The following PTPRD variants were observed in gnomAD, a reference collection of about 807,000 sequenced individuals.
PTPRD encodes the protein protein tyrosine phosphatase receptor type D, also known as receptor-type tyrosine-protein phosphatase delta.
In PTPRD, 34 loss-of-function variants were observed where a neutral mutation model predicts 214.5. That is an observed-to-expected ratio of 0.16 (90% CI 0.12 to 0.21). The LOEUF is 0.21. PTPRD is among the 10% of genes least tolerant of loss of function. The probability of loss-of-function intolerance (pLI) is 1.00; values close to 1 mark genes in which losing one functional copy is unlikely to be tolerated. For missense variants in PTPRD, 2,545 were observed against 2,398.7 expected (o/e 1.06, Z -1.27); for synonymous variants, 1,128 against 845.7 (o/e 1.33, Z -5.79).
intron 8 of PTPRD, among the ~76,000 whole-genome samples, chr9:9,462,393 A>T (rs1213610635): frequency 6.6e-6 from 1 of 152,146 alleles, no homozygotes; most frequent in Non-Finnish European, 1.5e-5. Context: ...ATGTATTTGT[A>T]ACTAAAAGAT....
intron 10 of PTPRD, among the ~76,000 whole-genome samples, chr9:9,075,786 A>T (rs1265269081): frequency 6.6e-6 from 1 of 152,188 alleles, no homozygotes; most frequent in East Asian, 1.9e-4. Context: ...TATATGTGCC[A>T]CATTTTCTTA....
intron 11 of PTPRD, among the ~76,000 whole-genome samples, chr9:8,863,073 A>T (rs895688594): frequency 2.9e-5 from 4 of 140,062 alleles, no homozygotes; most frequent in South Asian, 2.5e-4. Flanking sequence ...TAATAATAAT[A>T]AAAAAAAGAA....
chr9:8,596,526 G>A (rs149362351), intron 14 of PTPRD, among the ~76,000 whole-genome samples: 6 of 152,090 alleles, frequency 3.9e-5, no homozygotes, highest in South Asian at 2.1e-4. Flanking sequence ...GGCCTGCAGA[G>A]GAGCAGAAAC....
chr9:10,015,953 T>C (rs1051073129), intron 4 of PTPRD, among the ~76,000 whole-genome samples: 14 of 152,152 alleles, frequency 9.2e-5, no homozygotes, highest in African/African-American at 2.7e-4. Flanking sequence ...TAATTACCAG[T>C]TGACTGACAC....
intron 2 of PTPRD, among the ~76,000 whole-genome samples, chr9:10,409,855 G>A (rs773857972): frequency 6.6e-6 from 1 of 151,634 alleles, no homozygotes; most frequent in Non-Finnish European, 1.5e-5. Context: ...CCAGCCATGT[G>A]AGTGAGCCAT....
intron 2 of PTPRD, among the ~76,000 whole-genome samples, chr9:10,421,005 T>C (rs190480079): frequency 5.9e-5 from 9 of 151,938 alleles, no homozygotes; most frequent in Admixed American, 2.6e-4. Context: ...CTGGGCCACA[T>C]TGGAAGACAA....
intron 3 of PTPRD, among the ~76,000 whole-genome samples, chr9:10,084,546 G>A (rs900086755): frequency 4.6e-5 from 7 of 151,946 alleles, no homozygotes; most frequent in Non-Finnish European, 1.0e-4. Flanking sequence ...AGCTATGGCA[G>A]TGTTTACTGG....
chr9:9,150,760 C>T (rs891318116), intron 10 of PTPRD, among the ~76,000 whole-genome samples: 3 of 152,094 alleles, frequency 2.0e-5, no homozygotes, highest in African/African-American at 4.8e-5. Context: ...AGGCATGAGC[C>T]AACAACCGGC....
chr9:10,037,829 T>C (rs887836472), intron 3 of PTPRD, among the ~76,000 whole-genome samples: 6 of 152,194 alleles, frequency 3.9e-5, no homozygotes, highest in African/African-American at 1.2e-4. Context: ...AAATATCTCA[T>C]CTTAAATGAG....
At chr9:8,481,427 A>C (rs2096883137) in intron 30 of PTPRD, among the ~76,000 whole-genome samples, 1 of 152,152 alleles carries the variant, frequency 6.6e-6, no homozygotes, top group Non-Finnish European at 1.5e-5. Context: ...ATTATACCTA[A>C]ATTACACAAA....
intron 37 of PTPRD, among the ~76,000 whole-genome samples, chr9:8,379,517 G>C (rs1257695886): frequency 6.6e-6 from 1 of 152,114 alleles, no homozygotes; most frequent in Non-Finnish European, 1.5e-5. Flanking sequence ...ATGAAATGTA[G>C]TGAGAAAGAA....
chr9:8,563,936 G>A (rs2087646707), intron 14 of PTPRD, among the ~76,000 whole-genome samples: 2 of 152,202 alleles, frequency 1.3e-5, no homozygotes, highest in Admixed American at 1.3e-4. Context: ...AAAGTGCTGG[G>A]ATTGCAGGCG....
intron 35 of PTPRD, among the ~76,000 whole-genome samples, chr9:8,434,155 T>C (rs1283497981): frequency 6.6e-6 from 1 of 152,190 alleles, no homozygotes; most frequent in Non-Finnish European, 1.5e-5. Flanking sequence ...GCTAATTTTG[T>C]ATTTTTAGTA....
intron 2 of PTPRD, among the ~76,000 whole-genome samples, chr9:10,454,268 C>T (rs1020995921): frequency 6.6e-6 from 1 of 151,498 alleles, no homozygotes; most frequent in Non-Finnish European, 1.5e-5. Flanking sequence ...GCCATCTGTT[C>T]CCAATACTAG....
At chr9:8,977,130 T>G (rs1307377270) in intron 11 of PTPRD, among the ~76,000 whole-genome samples, 4 of 152,108 alleles carry the variant, frequency 2.6e-5, no homozygotes, top group Non-Finnish European at 5.9e-5. Flanking sequence ...GCTGGTAATA[T>G]CTCTGATATC....
intron 3 of PTPRD, among the ~76,000 whole-genome samples, chr9:10,124,885 G>A (rs749921679): frequency 2.0e-5 from 3 of 152,122 alleles, no homozygotes; most frequent in Non-Finnish European, 4.4e-5. Context: ...TTTTAAAGGA[G>A]GAGGGATAAT....
intron 12 of PTPRD, among the ~76,000 whole-genome samples, chr9:8,652,146 TC>T (rs1256343499): frequency 1.3e-5 from 2 of 152,206 alleles, no homozygotes; most frequent in Non-Finnish European, 2.9e-5. Context: ...CAAAGGATTT[TC>T]CCACACAGAA....
rs186670058 is a variant in PTPRD at position 9,436,250 on chromosome 9, C to T, written c.-236-38768G>A. Among the ~76,000 whole-genome samples the T allele has an allele frequency of 5.9e-5, 9 of 152,152 alleles. No individual in the cohort carries two copies. The East Asian group carries it at 9.7e-4, about 16-fold the overall frequency. Reference sequence around the variant, plus strand: ...AGCTTCTAGTTGCCCTAAGCTGTGACCCCCTATTTAACTCATCCTTCAATG... The same window carrying T: ...AGCTTCTAGTTGCCCTAAGCTGTGATCCCCTATTTAACTCATCCTTCAATG... On this transcript the variant is annotated intron_variant, in intron 8 of 45. Transcript: ENST00000381196.
chr9:8,899,467 A>G (rs994427632), intron 11 of PTPRD, among the ~76,000 whole-genome samples: 1 of 152,174 alleles, frequency 6.6e-6, no homozygotes, highest in African/African-American at 2.4e-5. Flanking sequence ...ATGAGTATGC[A>G]TAAACAGCAA....
Sources: gnomAD v4.1 joint callset for allele counts (sites outside exome capture counted in the v4.1 genomes callset) on GRCh38, gnomAD v4.1.1 for gene constraint, MANE v1.5 for transcripts, NCBI Gene and HGNC (gene_info 2026-07-23, HGNC 2026-07-21) for gene names.